C1orf21: variants seen among roughly 807,000 people sequenced by gnomAD.
The protein encoded by C1orf21 is chromosome 1 open reading frame 21.
C1orf21 carries 3 observed loss-of-function variants against 18.7 expected under a neutral mutation model. The observed-to-expected ratio is 0.16, with a 90% confidence interval of 0.07 to 0.42. The LOEUF is 0.42. Among genes scored for constraint, C1orf21 ranks in the 10% least tolerant of loss-of-function variants. C1orf21 has a pLI of 0.99. For synonymous variants in C1orf21, 41 were observed against 46.4 expected (o/e 0.88, Z 0.47); for missense variants, 104 against 143.6 (o/e 0.72, Z 1.41).
At chr1:184,419,839 A>G (rs1656517725) in intron 1 of C1orf21, among the ~76,000 whole-genome samples, 1 of 152,160 alleles carries the variant, frequency 6.6e-6, no homozygotes, top group Non-Finnish European at 1.5e-5. Flanking sequence ...AGGGATGAGC[A>G]AAGGGGAGAA....
intron 2 of C1orf21, among the ~76,000 whole-genome samples, chr1:184,505,100 A>G (rs1367340652): frequency 6.6e-6 from 1 of 151,862 alleles, no homozygotes; most frequent in Admixed American, 6.6e-5. Flanking sequence ...GGCTGTTCAG[A>G]GTATGTCTGC....
intron 2 of C1orf21, among the ~76,000 whole-genome samples, chr1:184,481,154 AAAG>A (rs562579053): frequency 5.9e-5 from 9 of 152,252 alleles, no homozygotes; most frequent in Non-Finnish European, 1.3e-4. Context: ...AGGAAAGAGA[AAAG>A]AAGAAATAAC....
In C1orf21 at chr1:184,590,758, A is replaced by G; in HGVS notation, c.209A>G (p.Asn70Ser). 6.2e-7 allele frequency: 1 copy of G among 1,614,084 alleles called. No individual in the cohort carries two copies. Among genetic ancestry groups the G allele is most frequent in the Non-Finnish European group, 8.5e-7 (1 of 1,179,958 alleles). ...TTTCAGGAAAAAAGTGCCAGCTCAAATGTAAGACTTAAAACTAATAAAGAG... is the reference window on the plus strand; with the variant it reads ...TTTCAGGAAAAAAGTGCCAGCTCAAGTGTAAGACTTAAAACTAATAAAGAG... ...QENLEKSASS[N>S]VRLKTNKEVP... The change falls in exon 4 of 6, where the codon AAT becomes AGT. Residue 70 changes from asparagine to serine, a missense_variant. Asn to Ser is a conservative substitution (Grantham distance 46). Transcript: ENST00000235307.
At position 184,591,603 on chromosome 1, in the gene C1orf21, G is replaced by A. The variant is rs1047904101; in HGVS notation, c.266+788G>A. 8.5e-5 allele frequency among the ~76,000 whole-genome samples: 13 copies of A among 152,108 alleles called. No homozygotes were observed. In the East Asian group the frequency reaches 1.2e-3, roughly 14 times the overall value. On this transcript the variant is annotated intron_variant, in intron 4 of 5. Coordinates refer to ENST00000235307, the MANE Select transcript of C1orf21 (RefSeq NM_030806.4). The stretch of plus-strand genomic sequence containing the variant: ...GGGAGGATCACGAGGTCAGGAGATC[G>A]AGACCATCCTGGCTAACACGATGAA...
intron 1 of C1orf21, among the ~76,000 whole-genome samples, chr1:184,408,640 G>A (rs1369807600): frequency 1.3e-5 from 2 of 152,122 alleles, no homozygotes; most frequent in African/African-American, 4.8e-5. Flanking sequence ...TTGCTAAATT[G>A]AGCTATAAGT....
Position 184,472,291 on chromosome 1 carries a change from G to T in C1orf21, c.-124-5095G>T, listed in dbSNP as rs571302616. Among the ~76,000 whole-genome samples the T allele has an allele frequency of 1.2e-3, 178 of 152,210 alleles. 1 individual carries two copies. Among genetic ancestry groups the T allele is most frequent in the African/African-American group, 4.0e-3 (168 of 41,542 alleles). ...CTCCTGATCTATTAATAATGTGGCTGTATCCTTTGCTTAACTGCTGACTTC... is the reference window on the plus strand; with the variant it reads ...CTCCTGATCTATTAATAATGTGGCTTTATCCTTTGCTTAACTGCTGACTTC... On this transcript the variant is annotated intron_variant, in intron 1 of 5. Transcript: ENST00000235307.
At chr1:184,468,957 G>A (rs564543506) in intron 1 of C1orf21, among the ~76,000 whole-genome samples, 25 of 151,824 alleles carry the variant, frequency 1.6e-4, no homozygotes, top group Admixed American at 3.3e-4. Flanking sequence ...CAAAAAGGCC[G>A]GGCTTGGTGG....
chr1:184,502,191 G>A (rs1377779726), intron 2 of C1orf21, among the ~76,000 whole-genome samples: 2 of 152,142 alleles, frequency 1.3e-5, no homozygotes, highest in African/African-American at 4.8e-5. Flanking sequence ...ATTTTTCACG[G>A]TTCTAGAGGC....
At chr1:184,433,182 GGT>G (rs1365918226) in intron 1 of C1orf21, among the ~76,000 whole-genome samples, 1 of 152,268 alleles carries the variant, frequency 6.6e-6, no homozygotes, top group Non-Finnish European at 1.5e-5. Flanking sequence ...GATGTGGTGG[GGT>G]GTGTGTGCAG....
chr1:184,468,203 T>C (rs988268546), intron 1 of C1orf21, among the ~76,000 whole-genome samples: 2 of 152,256 alleles, frequency 1.3e-5, no homozygotes, highest in African/African-American at 2.4e-5. Flanking sequence ...TAGTCAGGGC[T>C]TTCCTCTAGA....
intron 5 of C1orf21, among the ~76,000 whole-genome samples, chr1:184,614,897 C>T (rs778524325): frequency 6.6e-6 from 1 of 152,220 alleles, no homozygotes; most frequent in Non-Finnish European, 1.5e-5. Context: ...CTGTCGCTCA[C>T]TTCATGCTGT....
At chr1:184,451,195 G>A (rs1482706263) in intron 1 of C1orf21, among the ~76,000 whole-genome samples, 3 of 152,072 alleles carry the variant, frequency 2.0e-5, no homozygotes, top group African/African-American at 7.2e-5. Flanking sequence ...TGCTTTTTAA[G>A]CCTATGATTT....
At chr1:184,587,918 G>C (rs1247843481) in intron 3 of C1orf21, among the ~76,000 whole-genome samples, 1 of 152,018 alleles carries the variant, frequency 6.6e-6, no homozygotes, top group Non-Finnish European at 1.5e-5. Context: ...CCCAGCCACG[G>C]TATACATTGA....
intron 5 of C1orf21, among the ~76,000 whole-genome samples, chr1:184,615,408 C>G (rs1241027308): frequency 6.6e-6 from 1 of 152,104 alleles, no homozygotes; most frequent in Non-Finnish European, 1.5e-5. Context: ...TCGAGGGCCT[C>G]CTAGGGATCT....
chr1:184,616,531 A>G (rs1659826182), intron 5 of C1orf21, among the ~76,000 whole-genome samples: 1 of 152,210 alleles, frequency 6.6e-6, no homozygotes, highest in South Asian at 2.1e-4. Flanking sequence ...GAAGGTTTAT[A>G]TTGTATTTGT....
chr1:184,580,217 G>A (rs1011590888), intron 3 of C1orf21, among the ~76,000 whole-genome samples: 1 of 152,120 alleles, frequency 6.6e-6, no homozygotes, highest in African/African-American at 2.4e-5. Context: ...CCATCACTTT[G>A]ATTGTGCTTT....
intron 5 of C1orf21, among the ~76,000 whole-genome samples, chr1:184,602,869 A>G (rs988666268): frequency 1.3e-5 from 2 of 152,350 alleles, no homozygotes; most frequent in African/African-American, 4.8e-5. Flanking sequence ...GCTGATGACC[A>G]GGGAGTCCTT....
chr1:184,403,132 C>T (rs907098124), intron 1 of C1orf21, among the ~76,000 whole-genome samples: 1 of 152,190 alleles, frequency 6.6e-6, no homozygotes, highest in Non-Finnish European at 1.5e-5. Flanking sequence ...CTTAAAAGAA[C>T]TCTTAACATG....
chr1:184,454,426 T>C (rs1033869459), intron 1 of C1orf21, among the ~76,000 whole-genome samples: 1 of 152,156 alleles, frequency 6.6e-6, no homozygotes, highest in African/African-American at 2.4e-5. Flanking sequence ...CAGTAGGACC[T>C]GTGGCCTGTA....
Sources: allele counts gnomAD v4.1 joint callset (sites outside exome capture counted in the v4.1 genomes callset), GRCh38; gene constraint gnomAD v4.1.1; transcripts MANE v1.5; gene names NCBI Gene and HGNC (gene_info 2026-07-23, HGNC 2026-07-21).